Variants in DENND2C observed in about 807,000 individuals in gnomAD.
DENND2C encodes the protein DENN domain containing 2C, also known as DENN domain-containing protein 2C.
A neutral mutation model predicts 112.4 loss-of-function variants in DENND2C; 72 were observed. The observed-to-expected ratio is 0.64, with a 90% CI of 0.53 to 0.78. The LOEUF (loss-of-function observed/expected upper bound fraction) is 0.78. Among genes scored for constraint, DENND2C ranks in the 30% least tolerant of loss-of-function variants. DENND2C has a pLI of 0.00. For synonymous variants in DENND2C, 329 were observed against 381.6 expected, an observed-to-expected ratio of 0.86 and a Z score of 1.61; for missense variants, 992 against 1,113.8, an observed-to-expected ratio of 0.89 and a Z score of 1.56.
At chr1:114,636,045 T>A (rs1307029771) in intron 3 of DENND2C, among the ~76,000 whole-genome samples, 2 of 149,724 alleles carry the variant, frequency 1.3e-5, no homozygotes, top group Non-Finnish European at 3.0e-5. Context: ...AAATATATAA[T>A]ATATATATAA....
chr1:114,587,640 C>T (rs1655075601), intron 19 of DENND2C, 76 bp downstream of exon 19: 4 of 1,447,508 alleles, frequency 2.8e-6, no homozygotes, highest in Admixed American at 4.2e-5. Context: ...CTTTACAATA[C>T]TTTTTATTCA....
chr1:114,605,444 G>A (rs2101651465), intron 10 of DENND2C, among the ~76,000 whole-genome samples: 1 of 152,274 alleles, frequency 6.6e-6, no homozygotes, highest in South Asian at 2.1e-4. Flanking sequence ...AACCTAGTCG[G>A]CTCAAGACAC....
At chr1:114,668,113 C>G (rs1343958613) in intron 1 of DENND2C, among the ~76,000 whole-genome samples, 1 of 152,036 alleles carries the variant, frequency 6.6e-6, no homozygotes, top group East Asian at 1.9e-4. Context: ...TAATCTTGTG[C>G]CTATTGTGTA....
intron 3 of DENND2C, among the ~76,000 whole-genome samples, chr1:114,631,394 GAAATA>G (rs1656484140): frequency 6.6e-6 from 1 of 151,790 alleles, no homozygotes; most frequent in Non-Finnish European, 1.5e-5. Flanking sequence ...AAAATAAAAT[GAAATA>G]AAATAAAATG....
chr1:114,633,073 T>C (rs1656539620), intron 3 of DENND2C, among the ~76,000 whole-genome samples: 1 of 152,124 alleles, frequency 6.6e-6, no homozygotes, highest in Non-Finnish European at 1.5e-5. Flanking sequence ...TGGAAATAAA[T>C]GTAAGACAAG....
intron 9 of DENND2C, among the ~76,000 whole-genome samples, chr1:114,609,304 T>G (rs949570885): frequency 1.3e-5 from 2 of 152,176 alleles, no homozygotes; most frequent in African/African-American, 4.8e-5. Context: ...AGAGATCTGA[T>G]AAAATAATTC....
intron 3 of DENND2C, among the ~76,000 whole-genome samples, chr1:114,644,713 A>G (rs1035707481): frequency 1.3e-5 from 2 of 152,154 alleles, no homozygotes; most frequent in East Asian, 1.9e-4. Flanking sequence ...CATTTTCTAG[A>G]TGAGGAAACT....
intron 2 of DENND2C, among the ~76,000 whole-genome samples, chr1:114,649,099 C>T (rs1259831293): frequency 1.3e-5 from 2 of 150,810 alleles, no homozygotes; most frequent in Admixed American, 6.6e-5. Flanking sequence ...GGATTACAGG[C>T]GCCTGCCACC....
At chr1:114,665,271 G>GA (rs60777854) in intron 1 of DENND2C, among the ~76,000 whole-genome samples, 210 of 119,294 alleles carry the variant, frequency 1.8e-3, no homozygotes, top group African/African-American at 5.8e-3. Context: ...CCTGTCTCTT[G>GA]AAAAAAAAAA....
At chr1:114,650,961 T>G (rs1657142814) in intron 2 of DENND2C, among the ~76,000 whole-genome samples, 1 of 152,068 alleles carries the variant, frequency 6.6e-6, no homozygotes, top group South Asian at 2.1e-4. Context: ...GTAAGGGCAT[T>G]AGCTGGGTGT....
At chr1:114,664,458 A>C (rs1657593359) in intron 1 of DENND2C, among the ~76,000 whole-genome samples, 1 of 151,794 alleles carries the variant, frequency 6.6e-6, no homozygotes, top group Non-Finnish European at 1.5e-5. Context: ...ACAAAAGAAA[A>C]AAATTTATGT....
chr1:114,605,135 T>C, intron 10 of DENND2C, 104 bp from the exon 11 acceptor site: 1 of 739,266 alleles, frequency 1.4e-6, no homozygotes, highest in Non-Finnish European at 2.2e-6. Context: ...CTGATAAGCC[T>C]GAGTAGTTGC....
intron 3 of DENND2C, among the ~76,000 whole-genome samples, chr1:114,634,774 TC>T (rs201469028): frequency 0.026 from 4,011 of 152,236 alleles, 95 homozygotes; most frequent in Non-Finnish European, 0.034. Context: ...AAGCCTGTAA[TC>T]CCAGCACTTT....
At chr1:114,647,893 T>A (rs969335953) in intron 2 of DENND2C, among the ~76,000 whole-genome samples, 1 of 152,118 alleles carries the variant, frequency 6.6e-6, no homozygotes, top group South Asian at 2.1e-4. Flanking sequence ...CTGCAAACTC[T>A]GCTTCCCAGG....
chr1:114,612,800 G>C (rs1282817488), intron 8 of DENND2C, among the ~76,000 whole-genome samples: 1 of 152,116 alleles, frequency 6.6e-6, no homozygotes, highest in Non-Finnish European at 1.5e-5. Flanking sequence ...TTATAGGCAT[G>C]AGCCACCGCA....
chr1:114,625,282 TG>T lies in DENND2C; in HGVS notation c.702del (p.Asp234GlufsTer134). Reference protein sequence around the residue: ...GVTPYKERNCDKKYCENNSCA... With the variant: ...GVTPYKERNCXKKYCENNSCA... ...CAAGAGTTATTTTCACAGTATTTTT[TG>T]TCACAGTTTCTTTCTTTATACGGCG... On this transcript the variant is annotated frameshift_variant, in exon 4 of 21. Coordinates refer to ENST00000393274, the MANE Select transcript of DENND2C (RefSeq NM_001256404.2). LOFTEE classifies it high-confidence loss of function. 1 of 1,614,212 alleles carries T rather than the reference TG, an allele frequency of 6.2e-7. No individual in the cohort carries two copies. The highest frequency in any genetic ancestry group is 8.5e-7 in the Non-Finnish European group (1 of 1,180,028).
intron 9 of DENND2C, 129 bp from the exon 10 acceptor site, chr1:114,609,002 A>T: frequency 3.0e-6 from 3 of 1,000,774 alleles, no homozygotes; most frequent in Non-Finnish European, 4.5e-6. Context: ...AATAACCAGC[A>T]TCTGCCACAT....
At chr1:114,648,655 A>G (rs1254072848) in intron 2 of DENND2C, among the ~76,000 whole-genome samples, 3 of 152,198 alleles carry the variant, frequency 2.0e-5, no homozygotes, top group Non-Finnish European at 4.4e-5. Context: ...TGAAACCTCA[A>G]GACAACCACT....
At chr1:114,654,960 C>T (rs972726313) in intron 1 of DENND2C, among the ~76,000 whole-genome samples, 199 bp from the exon 2 acceptor site, 4 of 152,132 alleles carry the variant, frequency 2.6e-5, no homozygotes, top group African/African-American at 9.7e-5. Context: ...AGCAGCCTTC[C>T]TGGAAGTCCC....
Sources: gnomAD v4.1 joint callset for allele counts (sites outside exome capture counted in the v4.1 genomes callset) on GRCh38, gnomAD v4.1.1 for gene constraint, MANE v1.5 for transcripts, NCBI Gene and HGNC (gene_info 2026-07-23, HGNC 2026-07-21) for gene names.